Variants in TENM3 observed in about 807,000 individuals in gnomAD.
TENM3 encodes teneurin transmembrane protein 3, also known as teneurin-3.
TENM3 carries 63 observed loss-of-function variants against 255.1 expected under a neutral mutation model. The ratio of observed to expected loss-of-function variants is 0.25; its 90% CI spans 0.20 to 0.30. TENM3 has a LOEUF of 0.30. Ranked by LOEUF, TENM3 falls within the 10% of genes least tolerant of loss-of-function variation. TENM3 has a pLI of 1.00. For synonymous variants in TENM3, 1,306 were observed against 1,322.3 expected (o/e 0.99, Z 0.27); for missense variants, 2,929 against 3,461.1 (o/e 0.85, Z 3.86).
At chr4:182,351,189 G>A (rs1283480286) in intron 3 of TENM3, among the ~76,000 whole-genome samples, 1 of 152,048 alleles carries the variant, frequency 6.6e-6, no homozygotes, top group Non-Finnish European at 1.5e-5. Flanking sequence ...ATCCAAAGAA[G>A]GGTAAGGTTG....
chr4:182,132,414 T>C, the TENM3 span, among the ~76,000 whole-genome samples: 8 of 151,478 alleles, frequency 5.3e-5, no homozygotes, highest in Non-Finnish European at 1.2e-4. Context: ...ACTTGGGAGG[T>C]GGAGGTTGCA....
At chr4:182,700,226 G>T (rs34878599) in intron 12 of TENM3, among the ~76,000 whole-genome samples, 13,578 of 152,106 alleles carry the variant, frequency 0.089, 889 homozygotes, top group Admixed American at 0.12. Flanking sequence ...TAAATAAAAT[G>T]TTGGGACTTT....
At chr4:181,890,798 T>A in the TENM3 span, among the ~76,000 whole-genome samples, 1 of 152,214 alleles carries the variant, frequency 6.6e-6, no homozygotes, top group African/African-American at 2.4e-5. Context: ...TCTGTGTGTT[T>A]AACTGCACTT....
chr4:181,796,072 C>T, the TENM3 span, among the ~76,000 whole-genome samples: 3 of 152,184 alleles, frequency 2.0e-5, no homozygotes, highest in East Asian at 5.8e-4. Flanking sequence ...ACAGTGGCAT[C>T]AGAAATGTCA....
chr4:182,667,474 C>T (rs1412144702), intron 6 of TENM3, among the ~76,000 whole-genome samples: 1 of 152,122 alleles, frequency 6.6e-6, no homozygotes, highest in Non-Finnish European at 1.5e-5. Flanking sequence ...CAGGTGTGAG[C>T]CACCACACCT....
chr4:181,871,144 A>G, the TENM3 span, among the ~76,000 whole-genome samples: 1 of 152,094 alleles, frequency 6.6e-6, no homozygotes, highest in South Asian at 2.1e-4. Context: ...TCAATACCAC[A>G]CTAAGAACAC....
intron 4 of TENM3, among the ~76,000 whole-genome samples, chr4:182,610,744 CTTTTTTT>C (rs34833684): frequency 7.4e-6 from 1 of 134,452 alleles, no homozygotes; most frequent in Non-Finnish European, 1.6e-5. Flanking sequence ...ACTAAAGTTA[CTTTTTTT>C]TTTTTTTTTT....
chr4:181,564,198 G>A, the TENM3 span, among the ~76,000 whole-genome samples: 1 of 151,866 alleles, frequency 6.6e-6, no homozygotes, highest in African/African-American at 2.4e-5. Context: ...GATAATTTTT[G>A]TAGTTTTAGT....
the TENM3 span, among the ~76,000 whole-genome samples, chr4:181,527,625 GTT>G: frequency 6.4e-4 from 82 of 128,410 alleles, no homozygotes; most frequent in African/African-American, 2.2e-3. Context: ...GCCAGGTTTT[GTT>G]TTTTTTTTTT....
the TENM3 span, among the ~76,000 whole-genome samples, chr4:181,949,670 C>T: frequency 1.2e-4 from 18 of 152,290 alleles, no homozygotes; most frequent in South Asian, 1.9e-3. Flanking sequence ...CCATTCTCTA[C>T]GTATCCCCTT....
chr4:181,976,494 A>AG, the TENM3 span: 1 of 152,226 alleles, frequency 6.6e-6, no homozygotes, highest in Admixed American at 6.5e-5. Flanking sequence ...CACAGGTACT[A>AG]GGGGGTAGGA....
rs62352264 is a variant in TENM3 at position 182,295,219 on chromosome 4, C to T, written c.-75-28727C>T. 3.5e-3 allele frequency among the ~76,000 whole-genome samples: 513 copies of T among 147,542 alleles called. 4 individuals carry two copies. Among genetic ancestry groups the T allele is most frequent in the Middle Eastern group, 7.4e-3 (2 of 270 alleles). On this transcript the variant is annotated intron_variant, in intron 1 of 27. Transcript: ENST00000511685. Reference sequence around the variant, plus strand: ...TATAAGACACAGTGTTGCATTTACTCGGAATATATATGGAAACAAGTGGTA... The same window carrying T: ...TATAAGACACAGTGTTGCATTTACTTGGAATATATATGGAAACAAGTGGTA...
At chr4:181,604,137 T>C in the TENM3 span, among the ~76,000 whole-genome samples, 3,068 of 151,720 alleles carry the variant, frequency 0.02, 54 homozygotes, top group South Asian at 0.092. Flanking sequence ...TGGTGGCGGG[T>C]GCCTGTAGTC....
At chr4:182,738,964 GA>G (rs1247172086) in intron 18 of TENM3, among the ~76,000 whole-genome samples, 11 of 148,954 alleles carry the variant, frequency 7.4e-5, no homozygotes, top group African/African-American at 2.2e-4. Flanking sequence ...TTAAAATAAA[GA>G]AAAAAAAATC....
At chr4:181,825,344 T>A in the TENM3 span, among the ~76,000 whole-genome samples, 1 of 125,708 alleles carries the variant, frequency 8.0e-6, no homozygotes, top group African/African-American at 3.1e-5. Context: ...GAGGTTGCAG[T>A]GAGCCGAGAT....
the TENM3 span, among the ~76,000 whole-genome samples, chr4:181,678,846 A>C: frequency 8.4e-3 from 1,244 of 147,904 alleles, 11 homozygotes; most frequent in African/African-American, 0.021. Context: ...TTAAACAAAA[A>C]AAAAAAAAAC....
At chr4:182,769,278 T>A (rs977771659) in intron 22 of TENM3, among the ~76,000 whole-genome samples, 1 of 152,176 alleles carries the variant, frequency 6.6e-6, no homozygotes, top group African/African-American at 2.4e-5. Flanking sequence ...TTTATGGAAG[T>A]ACCTGAGAGT....
chr4:182,356,964 G>T (rs915523745), intron 3 of TENM3, among the ~76,000 whole-genome samples: 1 of 148,976 alleles, frequency 6.7e-6, no homozygotes, highest in East Asian at 2.0e-4. Flanking sequence ...GAGAATATGC[G>T]GTGTTTGGTT....
intron 6 of TENM3, among the ~76,000 whole-genome samples, chr4:182,656,263 C>T (rs1025107787): frequency 6.6e-6 from 1 of 152,182 alleles, no homozygotes; most frequent in Non-Finnish European, 1.5e-5. Context: ...CATGGAAAAG[C>T]TATCTCTCTC....
Sources: allele counts gnomAD v4.1 joint callset (sites outside exome capture counted in the v4.1 genomes callset), GRCh38; gene constraint gnomAD v4.1.1; transcripts MANE v1.5; gene names NCBI Gene and HGNC (gene_info 2026-07-23, HGNC 2026-07-21).